Variants in TRIB3 observed in about 807,000 individuals in gnomAD.
TRIB3 encodes tribbles homolog 3.
Under a neutral mutation model 16.6 loss-of-function variants are expected in TRIB3, and 20 were observed. The ratio of observed to expected loss-of-function variants is 1.20; its 90% CI spans 0.85 to 1.75. The LOEUF (loss-of-function observed/expected upper bound fraction) is 1.75. Ranked by LOEUF, TRIB3 falls within the 40% of genes most tolerant of loss-of-function variation. TRIB3 has a pLI of 0.00. For synonymous variants in TRIB3, 208 were observed against 217.0 expected (o/e 0.96, Z 0.36); for missense variants, 484 against 488.9 (o/e 0.99, Z 0.10).
intron 1 of TRIB3, among the ~76,000 whole-genome samples, chr20:386,170 G>A (rs981653486): frequency 4.6e-5 from 7 of 152,026 alleles, no homozygotes; most frequent in South Asian, 2.1e-4. Flanking sequence ...AGCCTTGGAC[G>A]TGATTTTATT....
chr20:380,978 G>GATTAGCTCCGGTTAGCATCAC lies in TRIB3; in HGVS notation c.-192_-191insATTAGCTCCGGTTAGCATCAC, dbSNP rs1475836304. 1 of 150,488 alleles carries GATTAGCTCCGGTTAGCATCAC rather than the reference G, an allele frequency of 6.6e-6. No homozygotes were observed. The highest frequency in any genetic ancestry group is 1.5e-5 in the Non-Finnish European group (1 of 67,498). 9.3% of individuals were successfully genotyped at this position (150,488 alleles called of 1,614,324 possible). A position where few individuals can be genotyped will look rare whatever the true frequency, so the allele number is the denominator to read the frequency against. The stretch of plus-strand genomic sequence containing the variant: ...CCGGTTTGCATCACCCGGACCGGGG[G>GATTAGCTCCGGTTAGCATCAC]CCGGGCGCGCACGAGACTCGCAGCG... On this transcript the variant is annotated 5_prime_UTR_variant, in exon 1 of 4. It introduces an in-frame stop codon into an upstream open reading frame of the 5' UTR. Coordinates refer to ENST00000217233, the MANE Select transcript of TRIB3 (RefSeq NM_021158.5).
In TRIB3 at chr20:388,238, C is replaced by T. The variant is rs56168174; in HGVS notation, c.228C>T (p.Pro76=). 6.2e-6 allele frequency: 10 copies of T among 1,613,414 alleles called. No individual in the cohort carries two copies. The highest frequency in any genetic ancestry group is 4.5e-5 in the East Asian group (2 of 44,888). Residue 76 remains proline (P), a synonymous_variant, in exon 2 of 4, where the codon CCC becomes CCT. Coordinates refer to ENST00000217233, the MANE Select transcript of TRIB3 (RefSeq NM_021158.5). ...TTGGGCCCTATGTCCTCCTGGAGCC[C>T]GAGGAGGGCGGGCGGGCCTACCAGG... The part of the protein sequence containing the change: ...SRLGPYVLLE[P]EEGGRAYQAL...
intron 3 of TRIB3, among the ~76,000 whole-genome samples, chr20:392,185 A>G (rs2014999526): frequency 6.6e-6 from 1 of 152,140 alleles, no homozygotes; most frequent in Non-Finnish European, 1.5e-5. Flanking sequence ...TACTGTTATT[A>G]TCCCCATATG....
chr20:395,308 C>G (rs185350933), intron 3 of TRIB3, among the ~76,000 whole-genome samples: 3 of 151,840 alleles, frequency 2.0e-5, no homozygotes, highest in Non-Finnish European at 2.9e-5. Context: ...ACTACAGGTG[C>G]GAATCACCAT....
Position 396,812 on chromosome 20 carries a change from G to A in TRIB3, c.*122G>A, listed in dbSNP as rs2015144372. ...CCTTCCAGAAGGGAGAAAGGCAGAA[G>A]CCTGTGTGGAGTGTGCTGTGTACAC... On this transcript the variant is annotated 3_prime_UTR_variant, in exon 4 of 4. Transcript: ENST00000217233. 7.0e-7 allele frequency: 1 copy of A among 1,419,708 alleles called. No individual in the cohort carries two copies. The highest frequency in any genetic ancestry group is 9.4e-7 in the Non-Finnish European group (1 of 1,061,064). 87.9% of individuals were successfully genotyped at this position (1,419,708 alleles called of 1,614,324 possible).
At chr20:390,184 C>T (rs140625447) in intron 2 of TRIB3, among the ~76,000 whole-genome samples, 82 of 152,028 alleles carry the variant, frequency 5.4e-4, no homozygotes, top group African/African-American at 1.8e-3. Flanking sequence ...AAAAATTAGC[C>T]GGGCATGGTG....
chr20:396,406 G>T lies in TRIB3; in HGVS notation c.793G>T (p.Glu265Ter), dbSNP rs1470213465. ...LAGHYPFQDS[E>*]PVLLFGKIRR... ...CGGCCACTACCCCTTCCAGGACTCG[G>T]AGCCTGTCCTGCTCTTCGGCAAGAT... is the stretch of plus-strand genomic sequence containing the variant. Residue 265 changes from glutamate to a stop codon, truncating the protein, a stop_gained, in exon 4 of 4, where the codon GAG becomes TAG. Coordinates refer to ENST00000217233, the MANE Select transcript of TRIB3 (RefSeq NM_021158.5). LOFTEE classifies it low-confidence loss of function (END_TRUNC). The T allele has an allele frequency of 1.2e-6, 2 of 1,613,240 alleles. No homozygotes were observed. The highest frequency in any genetic ancestry group is 4.5e-5 in the East Asian group (2 of 44,890).
chr20:387,152 G>A (rs985964873), intron 1 of TRIB3, among the ~76,000 whole-genome samples: 4 of 152,126 alleles, frequency 2.6e-5, no homozygotes, highest in African/African-American at 9.7e-5. Context: ...GAGGCAGGAG[G>A]ATTGCTTGAG....
At chr20:394,469 C>T (rs2015072185) in intron 3 of TRIB3, among the ~76,000 whole-genome samples, 1 of 152,154 alleles carries the variant, frequency 6.6e-6, no homozygotes, top group Non-Finnish European at 1.5e-5. Context: ...CCCGGACCTC[C>T]TGGAGGAGAC....
At chr20:381,683 C>A (rs2014654059) in intron 1 of TRIB3, among the ~76,000 whole-genome samples, 1 of 151,936 alleles carries the variant, frequency 6.6e-6, no homozygotes, top group South Asian at 2.1e-4. Flanking sequence ...GAGGGCTGGG[C>A]ACTTGGTGGC....
chr20:391,629 C>G, intron 3 of TRIB3, 50 bp downstream of exon 3: 1 of 1,568,606 alleles, frequency 6.4e-7, no homozygotes, highest in Non-Finnish European at 8.7e-7. Flanking sequence ...AGGGGGTGGG[C>G]CATGATGGAG....
rs754601509 is a variant in TRIB3, at chr20:396,675, G to A, written c.1062G>A (p.Val354=). ...EAREEEGDRE[V]VLYG The stretch of plus-strand genomic sequence containing the variant: ...GGGAAGAGGAGGGAGACAGAGAAGT[G>A]GTTCTGTATGGCTAGGACCACCCTA... The change falls in exon 4 of 4, where the codon GTG becomes GTA. Residue 354 remains valine (V), a synonymous_variant. Transcript: ENST00000217233. The A allele has an allele frequency of 6.2e-7, 1 of 1,610,294 alleles. No individual in the cohort carries two copies. The highest frequency in any genetic ancestry group is 8.5e-7 in the Non-Finnish European group (1 of 1,178,280).
At chr20:382,075 C>T (rs2014671312) in intron 1 of TRIB3, among the ~76,000 whole-genome samples, 2 of 150,846 alleles carry the variant, frequency 1.3e-5, no homozygotes, top group Admixed American at 1.3e-4. Context: ...CTCGGGTAGA[C>T]CATGGGTGTG....
chr20:393,960 A>G (rs2015047838), intron 3 of TRIB3, among the ~76,000 whole-genome samples: 1 of 151,888 alleles, frequency 6.6e-6, no homozygotes, highest in Admixed American at 6.6e-5. Context: ...GCAGCCATCC[A>G]TCTTGCCTAT....
chr20:390,971 C>T (rs1358689680), intron 2 of TRIB3, among the ~76,000 whole-genome samples: 2 of 143,168 alleles, frequency 1.4e-5, no homozygotes, highest in Admixed American at 7.5e-5. Flanking sequence ...CAGTGTGCTC[C>T]AGCCTGGGTG....
intron 1 of TRIB3, among the ~76,000 whole-genome samples, chr20:382,109 G>A (rs2014673825): frequency 7.4e-6 from 1 of 135,472 alleles, no homozygotes; most frequent in African/African-American, 2.7e-5. Context: ...CTGTGTGTGT[G>A]TGTGTGTGTG....
At chr20:387,140 C>G (rs1232971588) in intron 1 of TRIB3, among the ~76,000 whole-genome samples, 7 of 152,142 alleles carry the variant, frequency 4.6e-5, no homozygotes. Flanking sequence ...CTTTGGGAGG[C>G]TGAGGCAGGA....
At chr20:389,721 G>A (rs892350687) in intron 2 of TRIB3, among the ~76,000 whole-genome samples, 1 of 152,132 alleles carries the variant, frequency 6.6e-6, no homozygotes, top group African/African-American at 2.4e-5. Context: ...GGAGAGAAGC[G>A]CCATGCGTTC....
At chr20:389,291 C>A (rs957506834) in intron 2 of TRIB3, among the ~76,000 whole-genome samples, 18 of 152,034 alleles carry the variant, frequency 1.2e-4, no homozygotes. Context: ...GGGATTGGGC[C>A]CAGGAGGCTG....
Sources: gnomAD v4.1 joint callset for allele counts (sites outside exome capture counted in the v4.1 genomes callset) on GRCh38, gnomAD v4.1.1 for gene constraint, MANE v1.5 for transcripts, NCBI Gene and HGNC (gene_info 2026-07-23, HGNC 2026-07-21) for gene names.